The following GPHN variants were observed in gnomAD, a reference collection of about 807,000 sequenced individuals.
The protein encoded by GPHN is gephyrin.
In GPHN, 17 loss-of-function variants were observed where a neutral mutation model predicts 95.5. The observed-to-expected ratio is 0.18, with a 90% CI of 0.12 to 0.27. The LOEUF is 0.27. Among genes scored for constraint, GPHN ranks in the 10% least tolerant of loss-of-function variants. The pLI, the probability that GPHN is intolerant of heterozygous loss-of-function variation, is 1.00. For synonymous variants in GPHN, 320 were observed against 322.5 expected (o/e 0.99, Z 0.08); for missense variants, 660 against 978.1 (o/e 0.67, Z 4.34).
intron 9 of GPHN, among the ~76,000 whole-genome samples, chr14:66,968,180 G>T (rs987814766): frequency 2.6e-5 from 4 of 151,818 alleles, no homozygotes; most frequent in African/African-American, 9.7e-5. Flanking sequence ...GGGCCGAGAA[G>T]TCCAAAAGCA....
the GPHN span, among the ~76,000 whole-genome samples, chr14:67,607,516 G>C: frequency 1.2e-4 from 19 of 152,146 alleles, no homozygotes; most frequent in African/African-American, 4.6e-4. Context: ...ACAGACGCAT[G>C]CCACCGGGGC....
chr14:67,223,375 C>T, the GPHN span, among the ~76,000 whole-genome samples: 1 of 152,198 alleles, frequency 6.6e-6, no homozygotes, highest in African/African-American at 2.4e-5. Flanking sequence ...CCAATCTATA[C>T]TACTGAACCT....
chr14:67,579,619 G>T, the GPHN span: 220 of 1,157,452 alleles, frequency 1.9e-4, 1 homozygote, highest in South Asian at 3.2e-3. Context: ...TTTTGTATTT[G>T]CCCTTGCTCC....
the GPHN span, among the ~76,000 whole-genome samples, chr14:67,456,061 T>C: frequency 6.6e-6 from 1 of 152,140 alleles, no homozygotes; most frequent in African/African-American, 2.4e-5. Context: ...ATTTGCAAAC[T>C]ATGCATCTGA....
At chr14:67,731,903 G>T in the GPHN span, among the ~76,000 whole-genome samples, 2 of 151,864 alleles carry the variant, frequency 1.3e-5, no homozygotes. Flanking sequence ...GAGGTGGGTG[G>T]ATCACTTGAG....
intron 1 of GPHN, among the ~76,000 whole-genome samples, chr14:66,679,918 G>T (rs549404474): frequency 6.6e-6 from 1 of 151,930 alleles, no homozygotes; most frequent in African/African-American, 2.4e-5. Flanking sequence ...TCCCTTGATT[G>T]TTAGTCACAT....
chr14:67,292,687 C>T, the GPHN span: 2 of 1,613,552 alleles, frequency 1.2e-6, no homozygotes, highest in Non-Finnish European at 1.7e-6. Flanking sequence ...TCCATTTCCT[C>T]TTATCTCCAA....
the GPHN span, chr14:67,221,943 TGCTCCATTCTGAGAATCCTATACTGAA>T: frequency 1.8e-6 from 2 of 1,089,516 alleles, no homozygotes; most frequent in Non-Finnish European, 2.6e-6. Context: ...TTCTTCACTA[TGCTCCATTCTGAGAATCCTATACTGAA>T]GAAACTCTTT....
At chr14:67,403,213 A>G in the GPHN span, among the ~76,000 whole-genome samples, 7 of 152,152 alleles carry the variant, frequency 4.6e-5, no homozygotes, top group African/African-American at 1.7e-4. Flanking sequence ...TGCCATTTGT[A>G]TGTCTTCTTT....
chr14:66,928,420 C>A (rs1471781155), intron 8 of GPHN, among the ~76,000 whole-genome samples: 3 of 151,972 alleles, frequency 2.0e-5, no homozygotes, highest in African/African-American at 7.2e-5. Context: ...TCTCTCTTTT[C>A]TTCTTTGGCT....
At chr14:67,691,758 A>G in the GPHN span, 1 of 155,764 alleles carries the variant, frequency 6.4e-6, no homozygotes, top group Non-Finnish European at 1.4e-5. Context: ...GGAGGCCTAG[A>G]TCCCTGGGCT....
chr14:67,726,781 C>T, the GPHN span, among the ~76,000 whole-genome samples: 1 of 152,126 alleles, frequency 6.6e-6, no homozygotes, highest in Non-Finnish European at 1.5e-5. Flanking sequence ...AGTATGATTG[C>T]CTTACTTGTA....
the GPHN span, chr14:67,198,382 C>G: frequency 1.4e-6 from 2 of 1,461,576 alleles, no homozygotes; most frequent in African/African-American, 2.8e-5. Context: ...TCAAAGAAAA[C>G]TGAAAAGGAT....
chr14:67,400,525 A>G, the GPHN span, among the ~76,000 whole-genome samples: 2 of 152,138 alleles, frequency 1.3e-5, no homozygotes, highest in African/African-American at 2.4e-5. Flanking sequence ...CCCCGCCCCA[A>G]CTGCAGGGGT....
At chr14:66,513,481 A>C (rs2058122050) in intron 1 of GPHN, among the ~76,000 whole-genome samples, 2 of 151,794 alleles carry the variant, frequency 1.3e-5, no homozygotes, top group Non-Finnish European at 1.5e-5. Flanking sequence ...TTTTAAAAAC[A>C]ATCAGTAAAA....
intron 9 of GPHN, among the ~76,000 whole-genome samples, chr14:66,989,863 A>G (rs1279735076): frequency 6.6e-6 from 1 of 152,166 alleles, no homozygotes; most frequent in African/African-American, 2.4e-5. Context: ...CATAGACTAT[A>G]TTAGACAGGT....
chr14:66,786,911 C>T (rs2059797537), intron 3 of GPHN, among the ~76,000 whole-genome samples: 1 of 152,052 alleles, frequency 6.6e-6, no homozygotes, highest in South Asian at 2.1e-4. Context: ...CTATAGCTAA[C>T]AGCATACTTA....
the GPHN span, among the ~76,000 whole-genome samples, chr14:67,658,261 C>A: frequency 3.0e-4 from 46 of 152,272 alleles, 1 homozygote; most frequent in African/African-American, 1.1e-3. Flanking sequence ...TGGAACAATA[C>A]TTTTTCTGAA....
chr14:66,752,912 A>C (rs2058422402), intron 2 of GPHN, among the ~76,000 whole-genome samples: 1 of 149,750 alleles, frequency 6.7e-6, no homozygotes, highest in Non-Finnish European at 1.5e-5. Flanking sequence ...CAGGAATCCT[A>C]AAGTGAAGCA....
Sources: gnomAD v4.1 joint callset for allele counts (sites outside exome capture counted in the v4.1 genomes callset) on GRCh38, gnomAD v4.1.1 for gene constraint, MANE v1.5 for transcripts, NCBI Gene and HGNC (gene_info 2026-07-23, HGNC 2026-07-21) for gene names.